Variants in TMEM132D observed in about 807,000 individuals in gnomAD.
The protein encoded by TMEM132D is mature OL transmembrane protein.
A neutral mutation model predicts 62.3 loss-of-function variants in TMEM132D; 21 were observed. The observed-to-expected ratio is 0.34, with a 90% CI of 0.24 to 0.49. The LOEUF (loss-of-function observed/expected upper bound fraction) is 0.49, where lower values mean the gene tolerates loss of function less well. Among genes scored for constraint, TMEM132D ranks in the 20% least tolerant of loss-of-function variants. The probability of loss-of-function intolerance (pLI) is 0.99; values close to 1 mark genes in which losing one functional copy is unlikely to be tolerated. For missense variants in TMEM132D, 1,346 were observed against 1,402.8 expected (o/e 0.96, Z 0.65); for synonymous variants, 621 against 575.6 (o/e 1.08, Z -1.13).
chr12:129,686,731 A>G (rs936198908), intron 2 of TMEM132D, among the ~76,000 whole-genome samples: 1 of 152,206 alleles, frequency 6.6e-6, no homozygotes, highest in Non-Finnish European at 1.5e-5. Flanking sequence ...TAAAGCCACA[A>G]TGGAGCCAGT....
chr12:129,231,954 T>C (rs1879654145), intron 4 of TMEM132D, among the ~76,000 whole-genome samples: 5 of 152,210 alleles, frequency 3.3e-5, no homozygotes, highest in African/African-American at 2.4e-5. Flanking sequence ...CTTCCAATTA[T>C]ATCAGAACCT....
At chr12:129,206,962 GA>G (rs537332779) in intron 5 of TMEM132D, among the ~76,000 whole-genome samples, 33 of 152,278 alleles carry the variant, frequency 2.2e-4, no homozygotes, top group East Asian at 1.7e-3. Flanking sequence ...TGGAGGGTGG[GA>G]AGGGGAGAGG....
intron 5 of TMEM132D, among the ~76,000 whole-genome samples, chr12:129,193,936 G>A (rs1332460008): frequency 6.6e-6 from 1 of 152,190 alleles, no homozygotes; most frequent in Admixed American, 6.5e-5. Flanking sequence ...CTATAGTGAA[G>A]ATTTTTCTTG....
At chr12:129,378,738 G>A (rs1410488129) in intron 3 of TMEM132D, among the ~76,000 whole-genome samples, 1 of 152,196 alleles carries the variant, frequency 6.6e-6, no homozygotes, top group African/African-American at 2.4e-5. Context: ...CTGTGGCAGA[G>A]CTGAGTGATT....
chr12:129,226,265 T>C (rs1879478443), intron 4 of TMEM132D, among the ~76,000 whole-genome samples: 1 of 152,198 alleles, frequency 6.6e-6, no homozygotes, highest in African/African-American at 2.4e-5. Flanking sequence ...CCTATGCAAA[T>C]TGACATTTGG....
chr12:129,760,001 A>G (rs61946062), intron 1 of TMEM132D, among the ~76,000 whole-genome samples: 17,708 of 151,814 alleles, frequency 0.12, 2,037 homozygotes, highest in African/African-American at 0.3. Context: ...TAATTCCTGG[A>G]TTCAAGCAAT....
chr12:129,733,590 G>A (rs1419867363), intron 1 of TMEM132D, among the ~76,000 whole-genome samples: 1 of 151,846 alleles, frequency 6.6e-6, no homozygotes, highest in Non-Finnish European at 1.5e-5. Flanking sequence ...CAGCCACCAT[G>A]TTGGGGAATG....
At chr12:129,503,193 T>C (rs1343746533) in intron 3 of TMEM132D, among the ~76,000 whole-genome samples, 2 of 152,236 alleles carry the variant, frequency 1.3e-5, no homozygotes, top group Admixed American at 6.5e-5. Flanking sequence ...TCACAGAGGC[T>C]AAGTCAAAGT....
At chr12:129,104,739 G>A (rs1485750880) in intron 5 of TMEM132D, among the ~76,000 whole-genome samples, 4 of 150,436 alleles carry the variant, frequency 2.7e-5, no homozygotes, top group African/African-American at 7.5e-5. Context: ...GAAGGACATG[G>A]ACAGACACTT....
At chr12:129,314,480 A>C (rs1868417256) in intron 4 of TMEM132D, among the ~76,000 whole-genome samples, 1 of 152,088 alleles carries the variant, frequency 6.6e-6, no homozygotes, top group African/African-American at 2.4e-5. Context: ...CTGTGTGCCT[A>C]TTTTTATACC....
rs138567014 is a variant in TMEM132D at position 129,341,646 on chromosome 12, G to A, written c.1116-3829C>T. The stretch of plus-strand genomic sequence containing the variant: ...ACTAAACAGACCCAGACTTGGGAGT[G>A]TCCAGATATCCCAATAGCTGGAGAA... On this transcript the variant is annotated intron_variant, in intron 3 of 8. Coordinates refer to ENST00000422113, the MANE Select transcript of TMEM132D (RefSeq NM_133448.3). 2.7e-3 allele frequency among the ~76,000 whole-genome samples: 410 copies of A among 152,340 alleles called. 2 individuals are homozygous for A. The highest frequency in any genetic ancestry group is 9.5e-3 in the African/African-American group (397 of 41,582).
intron 5 of TMEM132D, chr12:129,085,078 T>G: frequency 3.1e-6 from 1 of 318,980 alleles, no homozygotes; most frequent in Non-Finnish European, 5.7e-6. Flanking sequence ...CTCACCCCGC[T>G]TCTCTGCCCA....
At chr12:129,731,756 G>A (rs540929902) in intron 1 of TMEM132D, among the ~76,000 whole-genome samples, 80 of 151,916 alleles carry the variant, frequency 5.3e-4, no homozygotes, top group East Asian at 5.1e-3. Flanking sequence ...TCCGCCTCCC[G>A]GGTTCACACT....
chr12:129,713,566 C>G (rs1868456267), intron 1 of TMEM132D, among the ~76,000 whole-genome samples: 1 of 152,164 alleles, frequency 6.6e-6, no homozygotes, highest in African/African-American at 2.4e-5. Context: ...CAGCTTTGGT[C>G]TCATCCTCAC....
chr12:129,245,832 C>A (rs1301917767), intron 4 of TMEM132D, among the ~76,000 whole-genome samples: 2 of 152,192 alleles, frequency 1.3e-5, no homozygotes, highest in African/African-American at 4.8e-5. Flanking sequence ...TTTGTTTGGT[C>A]AGCCTGGTGT....
chr12:129,095,265 T>G (rs888731876), intron 5 of TMEM132D, among the ~76,000 whole-genome samples: 3 of 151,724 alleles, frequency 2.0e-5, no homozygotes, highest in African/African-American at 7.3e-5. Context: ...TGACTGTATT[T>G]GGAGGCAGGG....
At chr12:129,373,744 C>A (rs576465978) in intron 3 of TMEM132D, among the ~76,000 whole-genome samples, 2 of 152,304 alleles carry the variant, frequency 1.3e-5, no homozygotes, top group South Asian at 4.2e-4. Context: ...TTCAGTGGTT[C>A]ATCTGTACTG....
At chr12:129,160,870 T>C (rs1273634933) in intron 5 of TMEM132D, among the ~76,000 whole-genome samples, 1 of 152,156 alleles carries the variant, frequency 6.6e-6, no homozygotes, top group African/African-American at 2.4e-5. Context: ...GTGACCAAGA[T>C]GACGATGATT....
intron 5 of TMEM132D, among the ~76,000 whole-genome samples, chr12:129,164,368 T>TA (rs1207878734): frequency 6.6e-6 from 1 of 152,174 alleles, no homozygotes; most frequent in African/African-American, 2.4e-5. Context: ...CCACCCACCA[T>TA]AATGGCTGCA....
Sources: allele counts gnomAD v4.1 joint callset (sites outside exome capture counted in the v4.1 genomes callset), GRCh38; gene constraint gnomAD v4.1.1; transcripts MANE v1.5; gene names NCBI Gene and HGNC (gene_info 2026-07-23, HGNC 2026-07-21).